The following MACROD2 variants were observed in gnomAD, a reference collection of about 807,000 sequenced individuals.
MACROD2 encodes mono-ADP ribosylhydrolase 2, also known as ADP-ribose glycohydrolase MACROD2.
In MACROD2, 36 loss-of-function variants were observed where a neutral mutation model predicts 70.4. That is an observed-to-expected ratio of 0.51 (90% CI 0.39 to 0.68). The LOEUF (loss-of-function observed/expected upper bound fraction) is 0.68. MACROD2 is among the 30% of genes least tolerant of loss of function. MACROD2 has a pLI of 0.00. For synonymous variants in MACROD2, 172 were observed against 178.8 expected (o/e 0.96, Z 0.30); for missense variants, 496 against 538.4 (o/e 0.92, Z 0.78).
intron 5 of MACROD2, among the ~76,000 whole-genome samples, chr20:15,095,056 CTCCTCT>C (rs1361830057): frequency 1.1e-4 from 6 of 55,808 alleles, no homozygotes; most frequent in African/African-American, 4.9e-4. Context: ...TCACTGTGGT[CTCCTCT>C]TCTTTTTTTT....
intron 3 of MACROD2, among the ~76,000 whole-genome samples, chr20:14,286,667 G>A (rs1292884408): frequency 6.6e-6 from 1 of 151,940 alleles, no homozygotes; most frequent in Non-Finnish European, 1.5e-5. Context: ...TGAAATCTTT[G>A]CTTGATATAG....
At chr20:15,705,504 C>T (rs556009628) in intron 8 of MACROD2, among the ~76,000 whole-genome samples, 8 of 152,140 alleles carry the variant, frequency 5.3e-5, no homozygotes, top group South Asian at 2.1e-4. Flanking sequence ...ACTGGAACCT[C>T]GGCCTCCTGG....
At chr20:15,527,426 G>A (rs2146540039) in intron 8 of MACROD2, among the ~76,000 whole-genome samples, 1 of 152,278 alleles carries the variant, frequency 6.6e-6, no homozygotes, top group East Asian at 1.9e-4. Context: ...TTGAATGTTT[G>A]ATGGAGAAAA....
intron 6 of MACROD2, among the ~76,000 whole-genome samples, chr20:15,343,246 ATT>A (rs992093529): frequency 6.6e-6 from 1 of 152,148 alleles, no homozygotes; most frequent in Non-Finnish European, 1.5e-5. Flanking sequence ...TTATTTTGAC[ATT>A]TTTTGTGTTC....
At chr20:14,877,420 T>A (rs979068066) in intron 5 of MACROD2, among the ~76,000 whole-genome samples, 2 of 152,062 alleles carry the variant, frequency 1.3e-5, no homozygotes, top group Non-Finnish European at 2.9e-5. Flanking sequence ...TTGACTTTTT[T>A]TTCCTATTTG....
chr20:15,869,451 CA>C (rs1443755712), intron 9 of MACROD2, among the ~76,000 whole-genome samples: 1 of 150,956 alleles, frequency 6.6e-6, no homozygotes, highest in African/African-American at 2.4e-5. Flanking sequence ...AAAATATTCC[CA>C]ATGTTCTTGA....
chr20:15,141,726 G>A (rs1056355888), intron 5 of MACROD2, among the ~76,000 whole-genome samples: 3 of 151,768 alleles, frequency 2.0e-5, no homozygotes, highest in Non-Finnish European at 4.4e-5. Flanking sequence ...TTTCAATGCT[G>A]CCAGAAGGAT....
intron 5 of MACROD2, chr20:14,935,510 C>G (rs1308037786): frequency 6.6e-6 from 1 of 152,170 alleles, no homozygotes; most frequent in African/African-American, 2.4e-5. Flanking sequence ...ACTCAGGCAT[C>G]TGGGATCCCT....
At chr20:14,820,945 A>T (rs534561665) in intron 5 of MACROD2, among the ~76,000 whole-genome samples, 1 of 152,140 alleles carries the variant, frequency 6.6e-6, no homozygotes, top group Admixed American at 6.5e-5. Context: ...AGCCTCCGGA[A>T]CCGTAAACTC....
chr20:14,486,523 TA>T lies in MACROD2; in HGVS notation c.272-6955del, dbSNP rs200589617. Among the ~76,000 whole-genome samples, 8 of 142,378 alleles carry T rather than the reference TA, an allele frequency of 5.6e-5. 2 individuals are homozygous for T. The highest frequency in any genetic ancestry group is 6.1e-5 in the Non-Finnish European group (4 of 65,146). The allele number at this position is 142,378 out of a possible 152,430, so 93.4% of individuals were successfully genotyped here. The stretch of plus-strand genomic sequence containing the variant: ...GCATAAAATAGCCAACTTTTTATTT[TA>T]TTTTTTTTTTTTGAGACAGAGTTTC... On this transcript the variant is annotated intron_variant, in intron 3 of 17. Coordinates refer to ENST00000684519, the MANE Select transcript of MACROD2 (RefSeq NM_001351661.2).
intron 4 of MACROD2, among the ~76,000 whole-genome samples, chr20:14,539,504 G>A (rs2085405252): frequency 6.6e-6 from 1 of 152,002 alleles, no homozygotes; most frequent in Non-Finnish European, 1.5e-5. Context: ...TAGGGAAGGG[G>A]GACAATATGA....
intron 4 of MACROD2, among the ~76,000 whole-genome samples, chr20:14,558,775 G>C (rs78447477): frequency 1.8e-3 from 276 of 151,746 alleles, no homozygotes; most frequent in Non-Finnish European, 3.3e-3. Context: ...TAAACTAAAA[G>C]ATTTATGTCT....
At position 15,753,882 on chromosome 20, in the gene MACROD2, A is replaced by C. The variant is rs938567936; in HGVS notation, c.646-108863A>C. 2.6e-5 allele frequency among the ~76,000 whole-genome samples: 4 copies of C among 152,136 alleles called. No individual in the cohort carries two copies. In the East Asian group the frequency reaches 7.7e-4, roughly 29 times the overall value. On this transcript the variant is annotated intron_variant, in intron 8 of 17. Coordinates refer to ENST00000684519, the MANE Select transcript of MACROD2 (RefSeq NM_001351661.2). ...CACATTTTTAAAGGAATTTGTAATA[A>C]ATAAACACTTGCAAGTACCTAACAA...
intron 8 of MACROD2, among the ~76,000 whole-genome samples, chr20:15,846,115 C>T (rs891153452): frequency 1.3e-5 from 2 of 152,122 alleles, no homozygotes; most frequent in African/African-American, 2.4e-5. Flanking sequence ...TAGGCATAAA[C>T]ATATAAATAA....
chr20:14,633,607 T>C (rs1321205253), intron 4 of MACROD2, among the ~76,000 whole-genome samples: 4 of 152,156 alleles, frequency 2.6e-5, no homozygotes, highest in Non-Finnish European at 4.4e-5. Flanking sequence ...TTTCCTGAGG[T>C]AGCAACTCCT....
intron 5 of MACROD2, among the ~76,000 whole-genome samples, chr20:14,901,205 C>A (rs2073891057): frequency 6.6e-6 from 1 of 151,930 alleles, no homozygotes; most frequent in African/African-American, 2.4e-5. Flanking sequence ...AACACTATTG[C>A]AGCTTTAAAA....
chr20:15,715,728 AT>A (rs2050698719), intron 8 of MACROD2, among the ~76,000 whole-genome samples: 1 of 152,156 alleles, frequency 6.6e-6, no homozygotes, highest in African/African-American at 2.4e-5. Flanking sequence ...GTATGTCTTA[AT>A]TAAATAATGC....
intron 4 of MACROD2, among the ~76,000 whole-genome samples, chr20:14,569,942 C>T (rs1980076518): frequency 6.6e-6 from 1 of 151,984 alleles, no homozygotes; most frequent in Non-Finnish European, 1.5e-5. Flanking sequence ...GTTGGAAGTT[C>T]TACCACATCA....
intron 6 of MACROD2, among the ~76,000 whole-genome samples, chr20:15,230,444 T>G (rs1474391636): frequency 6.6e-6 from 1 of 152,192 alleles, no homozygotes; most frequent in Non-Finnish European, 1.5e-5. Flanking sequence ...GGTTGTATGC[T>G]TGTGCATTCT....
Sources: allele counts gnomAD v4.1 joint callset (sites outside exome capture counted in the v4.1 genomes callset), GRCh38; gene constraint gnomAD v4.1.1; transcripts MANE v1.5; gene names NCBI Gene and HGNC (gene_info 2026-07-23, HGNC 2026-07-21).